Variants in CSMD1 observed in about 807,000 individuals in gnomAD.
CSMD1 encodes CUB and Sushi multiple domains 1.
CSMD1 carries 213 observed loss-of-function variants against 417.5 expected under a neutral mutation model. That is an observed-to-expected ratio of 0.51 (90% CI 0.46 to 0.57). The LOEUF (loss-of-function observed/expected upper bound fraction) is 0.57, where lower values mean the gene tolerates loss of function less well. Ranked by LOEUF, CSMD1 falls within the 20% of genes least tolerant of loss-of-function variation. The probability of loss-of-function intolerance (pLI) is 0.00; values close to 1 mark genes in which losing one functional copy is unlikely to be tolerated. For missense variants in CSMD1, 6,923 were observed against 4,529.7 expected, an observed-to-expected ratio of 1.53 and a Z score of -15.17; for synonymous variants, 2,862 against 1,736.8, an observed-to-expected ratio of 1.65 and a Z score of -16.11.
chr8:2,961,445 A>G (rs1019791016), intron 61 of CSMD1, among the ~76,000 whole-genome samples: 3 of 152,116 alleles, frequency 2.0e-5, no homozygotes, highest in Non-Finnish European at 4.4e-5. Flanking sequence ...TTCTTCTTAT[A>G]TAAGAATAAG....
chr8:4,603,873 T>C (rs1800725959), intron 2 of CSMD1, among the ~76,000 whole-genome samples: 1 of 152,154 alleles, frequency 6.6e-6, no homozygotes, highest in Non-Finnish European at 1.5e-5. Context: ...ATTTTAATTT[T>C]AATGATTTTA....
chr8:3,519,014 G>C (rs1797394850), intron 10 of CSMD1, among the ~76,000 whole-genome samples: 1 of 152,120 alleles, frequency 6.6e-6, no homozygotes, highest in African/African-American at 2.4e-5. Flanking sequence ...TAAACAATTT[G>C]CAAGCTAACT....
chr8:4,212,083 G>C (rs1800343958), intron 3 of CSMD1, among the ~76,000 whole-genome samples: 1 of 151,760 alleles, frequency 6.6e-6, no homozygotes, highest in African/African-American at 2.4e-5. Context: ...AATATGCCTT[G>C]TCAACGGAAC....
chr8:4,191,738 T>A, intron 3 of CSMD1, among the ~76,000 whole-genome samples: 1 of 88,484 alleles, frequency 1.1e-5, no homozygotes. Flanking sequence ...AAAGGGAAGG[T>A]CATTCCAAAA....
intron 2 of CSMD1, among the ~76,000 whole-genome samples, chr8:4,481,406 G>A (rs553148065): frequency 6.6e-6 from 1 of 152,288 alleles, no homozygotes; most frequent in Admixed American, 6.5e-5. Flanking sequence ...AGGAGACCTT[G>A]GATCACAGTT....
chr8:4,533,988 T>C (rs1019492426), intron 2 of CSMD1, among the ~76,000 whole-genome samples: 3 of 150,912 alleles, frequency 2.0e-5, no homozygotes, highest in African/African-American at 7.3e-5. Context: ...GAGGGCAGAT[T>C]TGTCAGTCTA....
rs139138439 is a variant in CSMD1, at chr8:4,773,690, G to A, written c.86-136132C>T. Among the ~76,000 whole-genome samples, 8 of 152,176 alleles carry A rather than the reference G, an allele frequency of 5.3e-5. No homozygotes were observed. In the South Asian group the frequency reaches 1.0e-3, roughly 20 times the overall value. Reference sequence around the variant, plus strand: ...CAGCCTTTATCGTCAGGCTTTGCACGCCACGCTAGTGTATAAGCACCACTC... The same window carrying A: ...CAGCCTTTATCGTCAGGCTTTGCACACCACGCTAGTGTATAAGCACCACTC... On this transcript the variant is annotated intron_variant, in intron 1 of 69. Coordinates refer to ENST00000635120, the MANE Select transcript of CSMD1 (RefSeq NM_033225.6).
Position 4,754,357 on chromosome 8 carries a change from C to T in CSMD1, c.86-116799G>A, listed in dbSNP as rs531626158. The stretch of plus-strand genomic sequence containing the variant: ...TTGAAACCTTGTGTTCTGGCTACAG[C>T]GCTATCCCACCCACATCAGGTATTA... On this transcript the variant is annotated intron_variant, in intron 1 of 69. Transcript: ENST00000635120. Among the ~76,000 whole-genome samples, 17 of 152,210 alleles carry T rather than the reference C, an allele frequency of 1.1e-4. No individual in the cohort carries two copies. The South Asian group carries it at 3.3e-3, about 30-fold the overall frequency.
In CSMD1 at chr8:3,768,350, T is replaced by A. The variant is rs569900030; in HGVS notation, c.819-14308A>T. ...CCTAACTGTGGAAGCTCATCTTCAA[T>A]ATGATTGGGAAATTCCAAACACCCA... On this transcript the variant is annotated intron_variant, in intron 5 of 69. Coordinates refer to ENST00000635120, the MANE Select transcript of CSMD1 (RefSeq NM_033225.6). 2.6e-5 allele frequency among the ~76,000 whole-genome samples: 4 copies of A among 152,342 alleles called. No homozygotes were observed. The East Asian group carries it at 5.8e-4, about 22-fold the overall frequency.
intron 7 of CSMD1, among the ~76,000 whole-genome samples, chr8:3,657,079 C>A (rs1871886): frequency 0.38 from 57,962 of 151,736 alleles, 12,015 homozygotes; most frequent in Non-Finnish European, 0.47. Context: ...TGGAGAGAGT[C>A]CACTACCGAG....
chr8:3,304,351 G>C (rs548292382), intron 25 of CSMD1, among the ~76,000 whole-genome samples: 1 of 152,142 alleles, frequency 6.6e-6, no homozygotes, highest in East Asian at 1.9e-4. Context: ...GCTAAGACCA[G>C]ACACCATTTT....
intron 3 of CSMD1, among the ~76,000 whole-genome samples, chr8:4,351,497 G>A (rs189332799): frequency 1.3e-5 from 2 of 152,140 alleles, no homozygotes; most frequent in Admixed American, 6.5e-5. Context: ...TTATAGATTA[G>A]GAAGAAAATT....
At chr8:2,939,981 G>A (rs1355047496) in intron 69 of CSMD1, among the ~76,000 whole-genome samples, 5 of 152,030 alleles carry the variant, frequency 3.3e-5, no homozygotes, top group African/African-American at 9.7e-5. Flanking sequence ...TGACGTGCAG[G>A]TGTGCAGCTG....
intron 1 of CSMD1, among the ~76,000 whole-genome samples, chr8:4,963,121 G>A (rs1276346565): frequency 1.3e-5 from 2 of 152,162 alleles, no homozygotes; most frequent in Non-Finnish European, 2.9e-5. Context: ...TTTCCCATGG[G>A]TGGCCCTCCT....
chr8:4,961,486 A>G (rs1278334751), intron 1 of CSMD1, among the ~76,000 whole-genome samples: 1 of 152,066 alleles, frequency 6.6e-6, no homozygotes, highest in Non-Finnish European at 1.5e-5. Flanking sequence ...CTCCAATGAC[A>G]TTTTATTCAG....
At chr8:3,486,022 G>A (rs1438338962) in intron 11 of CSMD1, among the ~76,000 whole-genome samples, 2 of 152,094 alleles carry the variant, frequency 1.3e-5, no homozygotes, top group Non-Finnish European at 2.9e-5. Flanking sequence ...CTATCGATTC[G>A]AGTTCTCCTT....
At chr8:3,791,720 G>C (rs938571699) in intron 5 of CSMD1, among the ~76,000 whole-genome samples, 8 of 152,278 alleles carry the variant, frequency 5.3e-5, no homozygotes, top group East Asian at 1.9e-4. Flanking sequence ...CAACTCAGGA[G>C]GCTGAAGCAA....
intron 4 of CSMD1, among the ~76,000 whole-genome samples, chr8:4,006,274 T>G (rs933267450): frequency 1.3e-5 from 2 of 152,166 alleles, no homozygotes; most frequent in African/African-American, 4.8e-5. Flanking sequence ...ATCATGACTC[T>G]GGAATAAACA....
chr8:4,050,901 C>T (rs893031548), intron 3 of CSMD1, among the ~76,000 whole-genome samples: 1 of 151,976 alleles, frequency 6.6e-6, no homozygotes, highest in Non-Finnish European at 1.5e-5. Context: ...ATAAGCCTAC[C>T]TTTACGTGAG....
Sources: allele counts gnomAD v4.1 joint callset (sites outside exome capture counted in the v4.1 genomes callset), GRCh38; gene constraint gnomAD v4.1.1; transcripts MANE v1.5; gene names NCBI Gene and HGNC (gene_info 2026-07-23, HGNC 2026-07-21).